Variants in NPAS3 observed in about 807,000 individuals in gnomAD.
The protein encoded by NPAS3 is neuronal PAS domain-containing protein 3.
NPAS3 carries 14 observed loss-of-function variants against 73.1 expected under a neutral mutation model. The ratio of observed to expected loss-of-function variants is 0.19; its 90% CI spans 0.13 to 0.30. The LOEUF is 0.30. NPAS3 is among the 10% of genes least tolerant of loss of function. NPAS3 has a pLI of 1.00. For missense variants in NPAS3, 1,096 were observed against 1,250.0 expected, an observed-to-expected ratio of 0.88 and a Z score of 1.86; for synonymous variants, 620 against 541.5, an observed-to-expected ratio of 1.14 and a Z score of -2.01.
Position 33,658,333 on chromosome 14 carries a change from A to C in NPAS3, c.559-17878A>C, listed in dbSNP as rs60717744. Among the ~76,000 whole-genome samples, 1,155 of 152,348 alleles carry C rather than the reference A, an allele frequency of 7.6e-3. 22 individuals are homozygous for C. Among genetic ancestry groups the C allele is most frequent in the African/African-American group, 0.027 (1,114 of 41,582 alleles). ...ACAGACTTTTGTTTCCCAGGCTAAC[A>C]TTTAAGCCAGTAGTTTATATTATGA... is the stretch of plus-strand genomic sequence containing the variant. On this transcript the variant is annotated intron_variant, in intron 5 of 11. Transcript: ENST00000356141.
chr14:33,165,865 G>C (rs996865043), intron 2 of NPAS3, among the ~76,000 whole-genome samples: 6 of 152,150 alleles, frequency 3.9e-5, no homozygotes, highest in Non-Finnish European at 5.9e-5. Flanking sequence ...GGGGCATGTT[G>C]GTTTGATTTC....
At chr14:33,472,460 T>C (rs2050827952) in intron 4 of NPAS3, among the ~76,000 whole-genome samples, 1 of 152,176 alleles carries the variant, frequency 6.6e-6, no homozygotes, top group African/African-American at 2.4e-5. Flanking sequence ...TTAATGTGAA[T>C]TATATCTCAA....
At chr14:33,281,489 G>A (rs576369652) in intron 3 of NPAS3, among the ~76,000 whole-genome samples, 16 of 152,108 alleles carry the variant, frequency 1.1e-4, no homozygotes, top group South Asian at 6.2e-4. Context: ...AAAATTAGCC[G>A]GGCGTGGTGG....
chr14:33,230,141 G>A (rs554381190), intron 3 of NPAS3, among the ~76,000 whole-genome samples: 2 of 152,242 alleles, frequency 1.3e-5, no homozygotes, highest in African/African-American at 4.8e-5. Flanking sequence ...GCATTTTGAG[G>A]AAATAAACTC....
At chr14:33,338,606 G>A (rs906618797) in intron 3 of NPAS3, among the ~76,000 whole-genome samples, 1 of 152,074 alleles carries the variant, frequency 6.6e-6, no homozygotes, top group Admixed American at 6.6e-5. Context: ...TCTCTTGACT[G>A]CTCTGAACCT....
chr14:32,997,787 C>T (rs1480161264), intron 1 of NPAS3, among the ~76,000 whole-genome samples: 2 of 149,728 alleles, frequency 1.3e-5, no homozygotes, highest in African/African-American at 4.9e-5. Flanking sequence ...AAAGATGTGA[C>T]TTGCTCCTCC....
chr14:33,344,010 A>G (rs868076979), intron 3 of NPAS3, among the ~76,000 whole-genome samples: 1 of 152,212 alleles, frequency 6.6e-6, no homozygotes, highest in Non-Finnish European at 1.5e-5. Flanking sequence ...TGCACAGGAG[A>G]GTTCCCTTTA....
Position 33,735,351 on chromosome 14 carries a change from G to T in NPAS3, c.852+19G>T. The T allele has an allele frequency of 6.5e-7, 1 of 1,546,028 alleles. No homozygotes were observed. Among genetic ancestry groups the T allele is most frequent in the South Asian group, 1.1e-5 (1 of 89,696 alleles). On this transcript the variant is annotated intron_variant, in intron 7 of 11. Transcript: ENST00000356141. The stretch of plus-strand genomic sequence containing the variant: ...ATATAAGGTAAGCCGGTTCCGGGAG[G>T]GGAGACATTGCTGTCTCAGGCCAGT...
At chr14:33,397,286 C>T (rs568519097) in intron 4 of NPAS3, among the ~76,000 whole-genome samples, 7 of 152,254 alleles carry the variant, frequency 4.6e-5, no homozygotes, top group African/African-American at 1.4e-4. Context: ...TAAGCACTTA[C>T]TAAGTACTAA....
At chr14:32,979,029 A>T (rs2037796545) in intron 1 of NPAS3, among the ~76,000 whole-genome samples, 1 of 152,066 alleles carries the variant, frequency 6.6e-6, no homozygotes, top group African/African-American at 2.4e-5. Context: ...AAAGTTGCTC[A>T]ACCATTGTGA....
At chr14:33,069,958 A>G (rs867105681) in intron 2 of NPAS3, among the ~76,000 whole-genome samples, 25 of 152,168 alleles carry the variant, frequency 1.6e-4, no homozygotes, top group African/African-American at 6.0e-4. Context: ...CCTCTTTTTG[A>G]AGGTGGACAT....
chr14:33,769,756 CTT>C (rs916953785), intron 7 of NPAS3, among the ~76,000 whole-genome samples: 53 of 81,850 alleles, frequency 6.5e-4, no homozygotes, highest in Non-Finnish European at 9.8e-4. Context: ...TTTTTTTTTT[CTT>C]TTTTTTTTTT....
intron 7 of NPAS3, among the ~76,000 whole-genome samples, chr14:33,750,061 T>A (rs1434087406): frequency 1.3e-5 from 2 of 152,078 alleles, no homozygotes; most frequent in African/African-American, 4.8e-5. Flanking sequence ...CTAGTGAAAA[T>A]TCATAGGCAC....
chr14:33,156,435 G>A (rs1282674834), intron 2 of NPAS3, among the ~76,000 whole-genome samples: 1 of 152,138 alleles, frequency 6.6e-6, no homozygotes, highest in Non-Finnish European at 1.5e-5. Flanking sequence ...CAAAATGTAA[G>A]TAACATATTC....
chr14:33,128,746 ATTGTGTTGCTTCTCACAG>A (rs1452453328), intron 2 of NPAS3, among the ~76,000 whole-genome samples: 1 of 152,136 alleles, frequency 6.6e-6, no homozygotes, highest in African/African-American at 2.4e-5. Context: ...AATTGAATAC[ATTGTGTTGCTTCTCACAG>A]ATGTGTTTAT....
At chr14:33,161,233 A>G (rs1486231258) in intron 2 of NPAS3, among the ~76,000 whole-genome samples, 1 of 152,214 alleles carries the variant, frequency 6.6e-6, no homozygotes, top group East Asian at 1.9e-4. Flanking sequence ...AGAAGCAGGA[A>G]GTAGTATGGA....
intron 2 of NPAS3, among the ~76,000 whole-genome samples, chr14:33,097,296 A>G (rs1292516741): frequency 6.6e-6 from 1 of 152,228 alleles, no homozygotes; most frequent in African/African-American, 2.4e-5. Context: ...ACTTCCTATA[A>G]TAGAATCATA....
chr14:33,800,420 G>A lies in NPAS3; in HGVS notation c.2113G>A (p.Gly705Arg), dbSNP rs762396688. 10 of 1,594,794 alleles carry A rather than the reference G, an allele frequency of 6.3e-6. No individual in the cohort carries two copies. The South Asian group carries it at 6.7e-5, about 11-fold the overall frequency. Reference sequence around the variant, plus strand: ...CGGCGGCGGTGGGGGTGGCGGTGGCGGGGGGCTGCACGTGGCCATTCCCGA... The same window carrying A: ...CGGCGGCGGTGGGGGTGGCGGTGGCAGGGGGCTGCACGTGGCCATTCCCGA... The change falls in exon 12 of 12, where the codon GGG becomes AGG. Residue 705 changes from glycine (G) to arginine (R), a missense_variant. Coordinates refer to ENST00000356141, the Ensembl canonical transcript of NPAS3. The surrounding 1 kb of genome is among the most constrained non-coding windows in gnomAD (Gnocchi z 6.5).
At chr14:33,087,550 T>C (rs998590843) in intron 2 of NPAS3, among the ~76,000 whole-genome samples, 1 of 152,156 alleles carries the variant, frequency 6.6e-6, no homozygotes, top group Non-Finnish European at 1.5e-5. Context: ...AATTCATTTG[T>C]ATTGGCTAAA....
Sources: allele counts gnomAD v4.1 joint callset (sites outside exome capture counted in the v4.1 genomes callset), GRCh38; gene constraint gnomAD v4.1.1; non-coding constraint Gnocchi (gnomAD v3.1); transcripts MANE v1.5; gene names NCBI Gene and HGNC (gene_info 2026-07-23, HGNC 2026-07-21).